Variants in COBL observed in about 807,000 individuals in gnomAD.
COBL encodes cordon-bleu WH2 repeat protein, also known as protein cordon-bleu.
A neutral mutation model predicts 98.8 loss-of-function variants in COBL; 51 were observed. The observed-to-expected ratio is 0.52, with a 90% CI of 0.41 to 0.65. The LOEUF (loss-of-function observed/expected upper bound fraction) is 0.65, where lower values mean the gene tolerates loss of function less well. Among genes scored for constraint, COBL ranks in the 30% least tolerant of loss-of-function variants. The pLI is 0.00. For missense variants in COBL, 1,617 were observed against 1,617.5 expected (o/e 1.00, Z 0.01); for synonymous variants, 634 against 651.7 (o/e 0.97, Z 0.41).
At chr7:51,098,351 T>C (rs1795502555) in intron 6 of COBL, among the ~76,000 whole-genome samples, 1 of 151,910 alleles carries the variant, frequency 6.6e-6, no homozygotes, top group Admixed American at 6.6e-5. Context: ...AGCCTCACAC[T>C]TTCTGGTTTC....
chr7:51,262,068 C>CCCGT (rs1797773129), intron 1 of COBL, among the ~76,000 whole-genome samples: 2 of 152,186 alleles, frequency 1.3e-5, no homozygotes, highest in Admixed American at 6.5e-5. Context: ...GAGGGGTGGG[C>CCCGT]CCGTGCTGAT....
intron 5 of COBL, among the ~76,000 whole-genome samples, chr7:51,144,102 T>C (rs1476984633): frequency 2.0e-5 from 3 of 152,170 alleles, no homozygotes; most frequent in African/African-American, 7.2e-5. Context: ...CTAGCAGAAG[T>C]GTGGTCTCTC....
At chr7:51,286,824 C>A (rs1800411487) in intron 1 of COBL, among the ~76,000 whole-genome samples, 1 of 152,104 alleles carries the variant, frequency 6.6e-6, no homozygotes, top group Non-Finnish European at 1.5e-5. Context: ...TTCACTGCAA[C>A]ACTATTCACA....
chr7:51,294,331 A>AATAAATAAATAT (rs1157898470), intron 1 of COBL, among the ~76,000 whole-genome samples: 8 of 130,014 alleles, frequency 6.2e-5, no homozygotes, highest in African/African-American at 2.0e-4. Flanking sequence ...TAAATAAATA[A>AATAAATAAATAT]AAATAAATAA....
At chr7:51,284,624 C>T (rs1384161137) in intron 1 of COBL, among the ~76,000 whole-genome samples, 2 of 151,722 alleles carry the variant, frequency 1.3e-5, no homozygotes, top group African/African-American at 2.4e-5. Context: ...GTCAGGAGTT[C>T]GAGACCAGCC....
At chr7:51,164,761 T>G (rs757919870) in intron 5 of COBL, among the ~76,000 whole-genome samples, 8 of 152,182 alleles carry the variant, frequency 5.3e-5, no homozygotes, top group South Asian at 2.1e-4. Context: ...TTATCCTAAG[T>G]AGAAAGACTA....
chr7:51,280,738 G>T (rs1799747377), intron 1 of COBL, among the ~76,000 whole-genome samples: 1 of 152,110 alleles, frequency 6.6e-6, no homozygotes. Flanking sequence ...TCTGGTCCTG[G>T]GTGGCTTTAA....
At chr7:51,212,273 T>C (rs1192005288) in intron 2 of COBL, among the ~76,000 whole-genome samples, 1 of 152,214 alleles carries the variant, frequency 6.6e-6, no homozygotes, top group Non-Finnish European at 1.5e-5. Context: ...ACTGGTTTTC[T>C]TTTGTAGGTG....
intron 6 of COBL, among the ~76,000 whole-genome samples, chr7:51,135,618 T>C (rs1176798579): frequency 3.3e-5 from 5 of 152,142 alleles, no homozygotes; most frequent in African/African-American, 4.8e-5. Flanking sequence ...TTAGGGTATT[T>C]TGAGAGCAAA....
At position 51,017,042 on chromosome 7, in the gene COBL, ATTTT is replaced by A; in HGVS notation, c.*505_*508del. On this transcript the variant is annotated 3_prime_UTR_variant, in exon 13 of 13. Coordinates refer to ENST00000265136, the MANE Select transcript of COBL (RefSeq NM_015198.5). ...AAAGCCACCTTTGAAAAGCCTCCCA[ATTTT>A]TTTTTCTTACTACCAAAACACACAG... The A allele has an allele frequency of 2.5e-6, 1 of 400,912 alleles. No homozygotes were observed. Among genetic ancestry groups the A allele is most frequent in the Non-Finnish European group, 4.4e-6 (1 of 227,866 alleles). 24.8% of individuals were successfully genotyped at this position (400,912 alleles called of 1,614,324 possible). A position where few individuals can be genotyped will look rare whatever the true frequency, so the allele number is the denominator to read the frequency against.
intron 2 of COBL, among the ~76,000 whole-genome samples, chr7:51,198,566 T>C (rs1790807917): frequency 1.3e-5 from 2 of 152,250 alleles, no homozygotes; most frequent in Admixed American, 6.5e-5. Flanking sequence ...AATGTTTCTA[T>C]TTATTTAAAG....
intron 1 of COBL, among the ~76,000 whole-genome samples, chr7:51,262,340 T>C (rs1797795927): frequency 6.6e-6 from 1 of 151,556 alleles, no homozygotes; most frequent in Non-Finnish European, 1.5e-5. Flanking sequence ...GACAGGAAAG[T>C]GAGGAGGGAG....
At chr7:51,285,388 A>C (rs1800259280) in intron 1 of COBL, among the ~76,000 whole-genome samples, 1 of 152,134 alleles carries the variant, frequency 6.6e-6, no homozygotes, top group African/African-American at 2.4e-5. Flanking sequence ...AAGAAAAAAA[A>C]AAAAAGCAAA....
At position 51,133,931 on chromosome 7, in the gene COBL, AT is replaced by A. The variant is rs377510988; in HGVS notation, c.957+2226del. Among the ~76,000 whole-genome samples the A allele has an allele frequency of 8.0e-4, 122 of 152,324 alleles. 1 individual carries two copies. Among genetic ancestry groups the A allele is most frequent in the Middle Eastern group, 3.4e-3 (1 of 294 alleles). ...TAGGACTTGAAGAAGCAAATATTGA[AT>A]TTTTTAAACTAGTTGATACAAAATA... On this transcript the variant is annotated intron_variant, in intron 6 of 12. Coordinates refer to ENST00000265136, the MANE Select transcript of COBL (RefSeq NM_015198.5).
chr7:51,058,792 T>C (rs550448044), intron 7 of COBL, among the ~76,000 whole-genome samples: 2 of 152,340 alleles, frequency 1.3e-5, no homozygotes, highest in South Asian at 4.1e-4. Context: ...GCGTGGGCTG[T>C]TAGAGCGAGT....
chr7:51,018,681 T>C (rs1786547321), intron 12 of COBL, among the ~76,000 whole-genome samples: 1 of 151,280 alleles, frequency 6.6e-6, no homozygotes, highest in Non-Finnish European at 1.5e-5. Context: ...TCACCTGAGG[T>C]CGGGAGTTCG....
intron 5 of COBL, among the ~76,000 whole-genome samples, chr7:51,145,490 T>C (rs1784943128): frequency 6.6e-6 from 1 of 151,892 alleles, no homozygotes; most frequent in South Asian, 2.1e-4. Context: ...AAGCTTCTCC[T>C]GCCTCCGCTT....
intron 5 of COBL, among the ~76,000 whole-genome samples, chr7:51,145,504 G>C (rs1784944726): frequency 6.6e-6 from 1 of 151,552 alleles, no homozygotes; most frequent in Non-Finnish European, 1.5e-5. Context: ...TCCGCTTCCT[G>C]AGTAGCTGGG....
intron 3 of COBL, among the ~76,000 whole-genome samples, chr7:51,192,503 G>A (rs1790211315): frequency 6.6e-6 from 1 of 152,118 alleles, no homozygotes; most frequent in Non-Finnish European, 1.5e-5. Context: ...CTACTCAGGA[G>A]GCTGAGGCAG....
Sources: allele counts gnomAD v4.1 joint callset (sites outside exome capture counted in the v4.1 genomes callset), GRCh38; gene constraint gnomAD v4.1.1; transcripts MANE v1.5; gene names NCBI Gene and HGNC (gene_info 2026-07-23, HGNC 2026-07-21).